Variants in ESRRG observed in about 807,000 individuals in gnomAD.
ESRRG encodes the protein estrogen related receptor gamma.
Under a neutral mutation model 44.0 loss-of-function variants are expected in ESRRG, and 13 were observed. The observed-to-expected ratio is 0.30, with a 90% CI of 0.19 to 0.47. The LOEUF (loss-of-function observed/expected upper bound fraction) is 0.47. ESRRG is among the 20% of genes least tolerant of loss of function. The pLI, the probability that ESRRG is intolerant of heterozygous loss-of-function variation, is 1.00. For synonymous variants in ESRRG, 215 were observed against 214.6 expected, an observed-to-expected ratio of 1.00 and a Z score of -0.02; for missense variants, 395 against 580.6, an observed-to-expected ratio of 0.68 and a Z score of 3.29.
At position 216,747,266 on chromosome 1, in the gene ESRRG, AC is replaced by A. The variant is rs556234036; in HGVS notation, c.-13-69776del. Reference sequence around the variant, plus strand: ...GGCAGAGACAAACTTGAGAGTAATTACCCGCATCCCACCAGGCTTCTTTCTG... The same window carrying A: ...GGCAGAGACAAACTTGAGAGTAATTACCGCATCCCACCAGGCTTCTTTCTG... On this transcript the variant is annotated intron_variant, in intron 2 of 7. Coordinates refer to the ESRRG transcript ENST00000359162. 6.2e-4 allele frequency among the ~76,000 whole-genome samples: 94 copies of A among 152,256 alleles called. 1 individual carries two copies. Among genetic ancestry groups the A allele is most frequent in the Admixed American group, 5.5e-3 (84 of 15,280 alleles).
intron 3 of ESRRG, among the ~76,000 whole-genome samples, chr1:216,571,370 G>A (rs1320330150): frequency 6.6e-6 from 1 of 152,118 alleles, no homozygotes; most frequent in Non-Finnish European, 1.5e-5. Context: ...TTAAACCTGA[G>A]AGGCAGAGGT....
intron 1 of ESRRG, among the ~76,000 whole-genome samples, chr1:217,126,919 T>C (rs186415308): frequency 3.9e-5 from 6 of 152,338 alleles, no homozygotes; most frequent in African/African-American, 7.2e-5. Context: ...GTTTCCCAAA[T>C]TTGTGGCATA....
chr1:216,973,542 T>C (rs1467686091), intron 1 of ESRRG, among the ~76,000 whole-genome samples: 1 of 152,084 alleles, frequency 6.6e-6, no homozygotes, highest in East Asian at 1.9e-4. Context: ...GGCTTTAACA[T>C]CTTAACATGA....
intron 1 of ESRRG, among the ~76,000 whole-genome samples, chr1:216,695,404 A>G (rs2151794387): frequency 6.6e-6 from 1 of 152,292 alleles, no homozygotes; most frequent in South Asian, 2.1e-4. Context: ...AATATTATAC[A>G]ATAGTTATGC....
chr1:217,051,182 CAGA>C (rs1165437824), intron 1 of ESRRG, among the ~76,000 whole-genome samples: 1 of 82,644 alleles, frequency 1.2e-5, no homozygotes, highest in Admixed American at 1.9e-4. Context: ...GAGATAAGAG[CAGA>C]AGGAGTGGAT....
At chr1:216,834,031 G>A (rs1445821525) in intron 2 of ESRRG, among the ~76,000 whole-genome samples, 1 of 152,182 alleles carries the variant, frequency 6.6e-6, no homozygotes, top group South Asian at 2.1e-4. Flanking sequence ...CAGCGCTGCA[G>A]TGAGGGTGAA....
chr1:216,631,790 T>G (rs971560624), intron 3 of ESRRG, among the ~76,000 whole-genome samples: 2 of 152,168 alleles, frequency 1.3e-5, no homozygotes, highest in Non-Finnish European at 2.9e-5. Flanking sequence ...AACTGTCTAT[T>G]CTTTGTGAAT....
Position 216,916,891 on chromosome 1 carries a change from T to C in ESRRG, c.-14+22691A>G, listed in dbSNP as rs541648792. ...TTTTTTTTTTTTTTTTTTTGCTATG[T>C]AACTGACCACCCAAAACTCAGTGGT... On this transcript the variant is annotated intron_variant, in intron 2 of 7. Transcript: ENST00000359162. Among the ~76,000 whole-genome samples, 313 of 98,394 alleles carry C rather than the reference T, an allele frequency of 3.2e-3. 2 individuals are homozygous for C. Among genetic ancestry groups the C allele is most frequent in the African/African-American group, 0.011 (285 of 26,148 alleles). 64.6% of individuals were successfully genotyped at this position (98,394 alleles called of 152,430 possible). A position where few individuals can be genotyped will look rare whatever the true frequency, so the allele number is the denominator to read the frequency against.
chr1:216,542,909 T>C (rs2053322305), intron 5 of ESRRG, among the ~76,000 whole-genome samples: 1 of 152,012 alleles, frequency 6.6e-6, no homozygotes, highest in Non-Finnish European at 1.5e-5. Context: ...TTAAGTCTAC[T>C]ACTTTCTATC....
intron 3 of ESRRG, among the ~76,000 whole-genome samples, chr1:216,650,020 TGCA>T (rs1412174718): frequency 6.6e-6 from 1 of 152,184 alleles, no homozygotes; most frequent in Non-Finnish European, 1.5e-5. Flanking sequence ...AGTTCTATGA[TGCA>T]ACAGAAGTTA....
At chr1:216,845,434 A>G (rs2095728422) in intron 2 of ESRRG, among the ~76,000 whole-genome samples, 1 of 152,178 alleles carries the variant, frequency 6.6e-6, no homozygotes, top group African/African-American at 2.4e-5. Flanking sequence ...AGAAAAACAA[A>G]GCTGGTCATG....
chr1:216,523,928 C>A (rs1341316157), intron 5 of ESRRG, among the ~76,000 whole-genome samples: 1 of 151,422 alleles, frequency 6.6e-6, no homozygotes, highest in Non-Finnish European at 1.5e-5. Flanking sequence ...TCACTGAGAT[C>A]ACAAATGAAG....
chr1:217,034,778 T>C (rs1424958284), intron 1 of ESRRG, among the ~76,000 whole-genome samples: 2 of 152,182 alleles, frequency 1.3e-5, no homozygotes, highest in African/African-American at 2.4e-5. Flanking sequence ...CAGGCTGCAG[T>C]GCACCATACG....
At chr1:216,789,324 C>T (rs2094237170) in intron 2 of ESRRG, among the ~76,000 whole-genome samples, 1 of 152,160 alleles carries the variant, frequency 6.6e-6, no homozygotes, top group South Asian at 2.1e-4. Flanking sequence ...CAGCCATCAA[C>T]ATCAAGGCAA....
chr1:216,527,335 T>C (rs2088463003), intron 5 of ESRRG, among the ~76,000 whole-genome samples: 1 of 152,186 alleles, frequency 6.6e-6, no homozygotes, highest in Admixed American at 6.5e-5. Flanking sequence ...AAAATCCTTT[T>C]ATATCTTGTA....
chr1:216,786,054 G>T (rs2094117800), intron 2 of ESRRG, among the ~76,000 whole-genome samples: 1 of 152,056 alleles, frequency 6.6e-6, no homozygotes, highest in Admixed American at 6.6e-5. Context: ...CTCCCTAAAG[G>T]TCAGCCACCA....
At chr1:216,577,360 T>C (rs2061868932) in intron 3 of ESRRG, among the ~76,000 whole-genome samples, 1 of 152,090 alleles carries the variant, frequency 6.6e-6, no homozygotes, top group Admixed American at 6.6e-5. Flanking sequence ...CTTGTTACTA[T>C]TTAAGATGGG....
intron 1 of ESRRG, among the ~76,000 whole-genome samples, chr1:216,994,733 C>G (rs1168851245): frequency 2.0e-5 from 3 of 151,362 alleles, no homozygotes; most frequent in Non-Finnish European, 4.4e-5. Flanking sequence ...AGGTGCCCAC[C>G]ACCACGCCCG....
intron 3 of ESRRG, among the ~76,000 whole-genome samples, chr1:216,628,181 C>T (rs898091410): frequency 5.3e-5 from 8 of 152,194 alleles, no homozygotes; most frequent in African/African-American, 1.9e-4. Context: ...TTCTATACTT[C>T]CAGTGTACAC....
Sources: gnomAD v4.1 joint callset for allele counts (sites outside exome capture counted in the v4.1 genomes callset) on GRCh38, gnomAD v4.1.1 for gene constraint, MANE v1.5 for transcripts, NCBI Gene and HGNC (gene_info 2026-07-23, HGNC 2026-07-21) for gene names.